WNK1: variants seen among roughly 807,000 people sequenced by gnomAD.
WNK1 encodes the protein serine/threonine-protein kinase WNK1.
WNK1 carries 38 observed loss-of-function variants against 222.8 expected under a neutral mutation model. That is an observed-to-expected ratio of 0.17 (90% CI 0.13 to 0.22). The LOEUF is 0.22. Ranked by LOEUF, WNK1 falls within the 10% of genes least tolerant of loss-of-function variation. The pLI, the probability that WNK1 is intolerant of heterozygous loss-of-function variation, is 1.00. For missense variants in WNK1, 2,348 were observed against 2,918.4 expected (o/e 0.80, Z 4.50); for synonymous variants, 1,090 against 1,092.9 (o/e 1.00, Z 0.05).
intron 8 of WNK1, among the ~76,000 whole-genome samples, chr12:862,754 G>A (rs1951316132): frequency 1.3e-5 from 2 of 152,106 alleles, no homozygotes; most frequent in African/African-American, 2.4e-5. Flanking sequence ...TTAATTTAGC[G>A]CTTGTGTTGA....
Position 862,347 on chromosome 12 carries a change from A to AAACC in WNK1, c.2139+80_2139+83dup. 3 of 1,477,530 alleles carry AAACC rather than the reference A, an allele frequency of 2.0e-6. No individual in the cohort carries two copies. In the South Asian group the frequency reaches 3.5e-5, roughly 17 times the overall value. 91.5% of individuals were successfully genotyped at this position (1,477,530 alleles called of 1,614,324 possible). A position where few individuals can be genotyped will look rare whatever the true frequency, so the allele number is the denominator to read the frequency against. ...TCTGCTAAATTAAAATTCTTTGTACAAACCAAGTAACAGTATGAGTCTGAA... is the reference window on the plus strand; with the variant it reads ...TCTGCTAAATTAAAATTCTTTGTACAAACCAACCAAGTAACAGTATGAGTCTGAA... On this transcript the variant is annotated intron_variant, in intron 8 of 27. Coordinates refer to ENST00000315939, the MANE Select transcript of WNK1 (RefSeq NM_018979.4).
rs376176091 is a variant in WNK1, at chr12:885,140, G to A, written c.4336G>A (p.Ala1446Thr). The change falls in exon 19 of 28, where the codon GCA (alanine) becomes ACA (threonine). Residue 1446 changes from alanine to threonine, a missense_variant. By Grantham distance (58) the Ala-to-Thr change is moderately conservative (BLOSUM62 0). Coordinates refer to ENST00000315939, the MANE Select transcript of WNK1 (RefSeq NM_018979.4). ...ATCTGAGATCGTTGTTTCTAGTACA[G>A]CACTGTATCCTTCAGTAACAGTTTC... ...STSEIVVSST[A>T]LYPSVTVSAT... The A allele has an allele frequency of 8.4e-5, 136 of 1,614,084 alleles. No individual in the cohort carries two copies. Among genetic ancestry groups the A allele is most frequent in the Non-Finnish European group, 1.1e-4 (133 of 1,180,038 alleles).
Position 753,857 on chromosome 12 carries a change from C to T in WNK1, c.292C>T (p.Leu98Phe), listed in dbSNP as rs1013923540. 3.7e-6 allele frequency: 6 copies of T among 1,612,482 alleles called. No individual in the cohort carries two copies. The highest frequency in any genetic ancestry group is 1.6e-4 in the Middle Eastern group (1 of 6,084). The part of the protein sequence containing the change: ...SNATALELPG[L>F]PLSLPQPSIP... ...TGCCACTGCACTGGAGCTTCCCGGC[C>T]TTCCTCTTTCCCTGCCCCAGCCCAG... is the stretch of plus-strand genomic sequence containing the variant. Residue 98 changes from leucine (L) to phenylalanine (F), a missense_variant, in exon 1 of 28, where the codon CTT becomes TTT. Around this residue, in one of 13 missense-constraint regions of WNK1, gnomAD observed 185 missense variants for 159.2 expected, o/e 1.16. Transcript: ENST00000315939. This position sits in a 1 kb window ranked among gnomAD's most constrained non-coding sequence, Gnocchi z 5.2.
chr12:805,030 A>G (rs1472457315), intron 1 of WNK1, among the ~76,000 whole-genome samples: 1 of 151,144 alleles, frequency 6.6e-6, no homozygotes, highest in East Asian at 1.9e-4. Flanking sequence ...TCATTTGTTG[A>G]TGGACACTTG....
At chr12:854,600 G>A (rs1297985021) in intron 4 of WNK1, among the ~76,000 whole-genome samples, 2 of 151,654 alleles carry the variant, frequency 1.3e-5, no homozygotes, top group East Asian at 1.9e-4. Context: ...CACCTGCCTC[G>A]GCCTCCCAAA....
chr12:754,058 C>T lies in WNK1; in HGVS notation c.493C>T (p.Pro165Ser), dbSNP rs770997482. The T allele has an allele frequency of 6.2e-7, 1 of 1,602,172 alleles. No individual in the cohort carries two copies. The highest frequency in any genetic ancestry group is 1.7e-5 in the Admixed American group (1 of 57,358). Reference protein sequence around the residue: ...TVPSSTSKDRPVSQPSLVGSK... With the variant: ...TVPSSTSKDRSVSQPSLVGSK... ...CCCCAGCAGTACCAGCAAAGACCGC[C>T]CAGTGTCCCAGCCTAGCCTTGTGGG... is the stretch of plus-strand genomic sequence containing the variant. The change falls in exon 1 of 28, where the codon CCA (proline) becomes TCA (serine). Residue 165 changes from proline to serine, a missense_variant. By Grantham distance (74) the Pro-to-Ser change is moderately conservative. Around this residue, in one of 13 missense-constraint regions of WNK1, gnomAD observed 185 missense variants for 159.2 expected, o/e 1.16. Transcript: ENST00000315939.
intron 1 of WNK1, among the ~76,000 whole-genome samples, chr12:769,654 A>G (rs1942230554): frequency 6.6e-6 from 1 of 152,228 alleles, no homozygotes; most frequent in Non-Finnish European, 1.5e-5. Flanking sequence ...TATTGTAGAA[A>G]GGTATTCAGA....
At chr12:846,056 G>C (rs1950002883) in intron 4 of WNK1, among the ~76,000 whole-genome samples, 1 of 152,310 alleles carries the variant, frequency 6.6e-6, no homozygotes, top group South Asian at 2.1e-4. Flanking sequence ...CTGTTAACAT[G>C]ATACTAATAC....
At chr12:797,320 C>G (rs1054816710) in intron 1 of WNK1, among the ~76,000 whole-genome samples, 2 of 152,004 alleles carry the variant, frequency 1.3e-5, no homozygotes, top group African/African-American at 4.8e-5. Flanking sequence ...CAGAATTTAG[C>G]TAGAGTTTAG....
chr12:885,307 A>G lies in WNK1; in HGVS notation c.4503A>G (p.Thr1501=), dbSNP rs56107487. 10 of 1,614,176 alleles carry G rather than the reference A, an allele frequency of 6.2e-6. No individual in the cohort carries two copies. In the Middle Eastern group the frequency reaches 6.6e-4, roughly 107 times the overall value. ...CTACCACCACTTCATTCCCAAGCAC[A>G]GCTTCACAGCTGTGCATTCAGCTTA... ...SVSTTTSFPS[T]ASQLCIQLSS... is the part of the protein sequence containing the mutation. Residue 1501 remains threonine (T), a synonymous_variant, in exon 19 of 28, where the codon ACA becomes ACG. Coordinates refer to ENST00000315939, the MANE Select transcript of WNK1 (RefSeq NM_018979.4).
intron 24 of WNK1, 48 bp from the exon 25 acceptor site, chr12:897,431 A>G (rs1299207832): frequency 1.7e-6 from 2 of 1,191,378 alleles, no homozygotes; most frequent in South Asian, 2.4e-5. Flanking sequence ...TCTTGTCTGA[A>G]TGAAGAGGAT....
In WNK1 at chr12:752,636, G is replaced by C. The variant is rs1237535916; in HGVS notation, c.-930G>C. On this transcript the variant is annotated 5_prime_UTR_variant, in exon 1 of 28. Coordinates refer to ENST00000315939, the MANE Select transcript of WNK1 (RefSeq NM_018979.4). ...CCCGGGTGGACGCGGCTCCTCTCTC[G>C]GCCACTCCGCACCCCCATCTTCGGT... The C allele has an allele frequency of 2.0e-5, 3 of 152,396 alleles. No homozygotes were observed. In the East Asian group the frequency reaches 5.8e-4, roughly 29 times the overall value. 9.4% of individuals were successfully genotyped at this position (152,396 alleles called of 1,614,324 possible). A position where few individuals can be genotyped will look rare whatever the true frequency, so the allele number is the denominator to read the frequency against.
At chr12:823,628 T>G (rs1948090618) in intron 2 of WNK1, among the ~76,000 whole-genome samples, 1 of 152,260 alleles carries the variant, frequency 6.6e-6, no homozygotes, top group Admixed American at 6.5e-5. Context: ...CTGTTGATAT[T>G]CTCTACTTCA....
rs779721636 is a variant in WNK1 at position 868,506 on chromosome 12, C to G, written c.2140-2759C>G. On this transcript the variant is annotated intron_variant, in intron 8 of 27. Transcript: ENST00000315939. Reference sequence around the variant, plus strand: ...GGATTGGGTCCGGGATCTCCCCTCTCTAGTATTTCTGCACCTATCAGTACA... The same window carrying G: ...GGATTGGGTCCGGGATCTCCCCTCTGTAGTATTTCTGCACCTATCAGTACA... The G allele has an allele frequency of 1.1e-5, 17 of 1,614,008 alleles. No individual in the cohort carries two copies. The highest frequency in any genetic ancestry group is 1.7e-5 in the Admixed American group (1 of 60,024).
In WNK1 at chr12:866,889, C is replaced by G. The variant is rs538067929; in HGVS notation, c.2140-4376C>G. ...CTGTAATCCTAGCACTTTGGGAGGC[C>G]GAAGTGAGCAGATCACCTGAGGTCA... is the stretch of plus-strand genomic sequence containing the variant. On this transcript the variant is annotated intron_variant, in intron 8 of 27. Coordinates refer to ENST00000315939, the MANE Select transcript of WNK1 (RefSeq NM_018979.4). 2.6e-5 allele frequency among the ~76,000 whole-genome samples: 4 copies of G among 152,120 alleles called. No homozygotes were observed. The South Asian group carries it at 8.3e-4, about 32-fold the overall frequency.
chr12:875,133 G>C (rs1952492885), intron 9 of WNK1, among the ~76,000 whole-genome samples: 1 of 152,206 alleles, frequency 6.6e-6, no homozygotes, highest in East Asian at 1.9e-4. Context: ...GCATAGATAT[G>C]TGAAGGTATA....
intron 1 of WNK1, among the ~76,000 whole-genome samples, chr12:794,651 G>A (rs1025759209): frequency 1.3e-5 from 2 of 152,108 alleles, no homozygotes; most frequent in Non-Finnish European, 2.9e-5. Context: ...ATCCCATGTG[G>A]CCATGGGAAA....
rs918239454 is a variant in WNK1 at position 760,515 on chromosome 12, TAA to T, written c.759+6192_759+6193del. On this transcript the variant is annotated intron_variant, in intron 1 of 27. Coordinates refer to ENST00000315939, the MANE Select transcript of WNK1 (RefSeq NM_018979.4). ...TATGTGAATGTACTTTGAAAAATGT[TAA>T]GTGTTATATAAAATATAACAGAATA... Among the ~76,000 whole-genome samples the T allele has an allele frequency of 6.8e-5, 10 of 147,834 alleles. 3 individuals are homozygous for T. Among genetic ancestry groups the T allele is most frequent in the Admixed American group, 6.7e-4 (10 of 14,882 alleles).
intron 4 of WNK1, among the ~76,000 whole-genome samples, chr12:834,594 C>T (rs1391393986): frequency 6.6e-6 from 1 of 152,174 alleles, no homozygotes; most frequent in African/African-American, 2.4e-5. Flanking sequence ...GTCTTGGGTT[C>T]ACATCCTTGC....
Sources: gnomAD v4.1 joint callset for allele counts (sites outside exome capture counted in the v4.1 genomes callset) on GRCh38, gnomAD v4.1.1 for gene constraint, gnomAD v4.1.1 regional missense constraint, Gnocchi (gnomAD v3.1) non-coding constraint, MANE v1.5 for transcripts, NCBI Gene and HGNC (gene_info 2026-07-23, HGNC 2026-07-21) for gene names.